The following CAPN9 variants were observed in gnomAD, a reference collection of about 807,000 sequenced individuals.
The protein encoded by CAPN9 is calpain-9.
In CAPN9, 81 loss-of-function variants were observed where a neutral mutation model predicts 92.8. The observed-to-expected ratio is 0.87, with a 90% CI of 0.73 to 1.05. The LOEUF is 1.05. CAPN9 is among the 50% of genes least tolerant of loss of function. The pLI is 0.00. For synonymous variants in CAPN9, 304 were observed against 328.0 expected (o/e 0.93, Z 0.79); for missense variants, 848 against 866.2 (o/e 0.98, Z 0.26).
chr1:230,751,234 C>T (rs1450926930), intron 1 of CAPN9, among the ~76,000 whole-genome samples: 3 of 152,192 alleles, frequency 2.0e-5, no homozygotes, highest in African/African-American at 4.8e-5. Flanking sequence ...CCCTGACCCC[C>T]AGGAGGGGTT....
intron 18 of CAPN9, among the ~76,000 whole-genome samples, chr1:230,796,096 G>A (rs1668336137): frequency 6.6e-6 from 1 of 151,118 alleles, no homozygotes; most frequent in Admixed American, 6.6e-5. Flanking sequence ...ACTTTGGGAG[G>A]TTGAGGCAGT....
intron 8 of CAPN9, 79 bp downstream of exon 8, chr1:230,774,710 C>T: frequency 1.2e-6 from 1 of 843,902 alleles, no homozygotes; most frequent in Non-Finnish European, 2.0e-6. Flanking sequence ...CTGTGCTTCT[C>T]TCTCGCTTTC....
chr1:230,756,819 A>G (rs1193350288), intron 2 of CAPN9, among the ~76,000 whole-genome samples: 3 of 152,058 alleles, frequency 2.0e-5, no homozygotes. Flanking sequence ...GTGCATGACC[A>G]TAGTTCCAGC....
intron 1 of CAPN9, among the ~76,000 whole-genome samples, chr1:230,751,492 GAGGAAGGAAGGAAAGA>G (rs1278109664): frequency 1.3e-5 from 2 of 149,732 alleles, no homozygotes; most frequent in African/African-American, 2.5e-5. Flanking sequence ...GGGAGGAAGG[GAGGAAGGAAGGAAAGA>G]AGGAAGGAAG....
intron 14 of CAPN9, among the ~76,000 whole-genome samples, 168 bp from the exon 15 acceptor site, chr1:230,791,696 C>T (rs143319999): frequency 1.1e-4 from 16 of 152,284 alleles, no homozygotes; most frequent in African/African-American, 3.6e-4. Context: ...GCCAATTTTC[C>T]TTCTGAAAGG....
chr1:230,791,527 C>T (rs890260636), intron 14 of CAPN9, among the ~76,000 whole-genome samples: 3 of 152,104 alleles, frequency 2.0e-5, no homozygotes, highest in Non-Finnish European at 4.4e-5. Flanking sequence ...AAGGTATTGA[C>T]CATGCCTCTC....
At chr1:230,759,697 C>A in intron 3 of CAPN9, 67 bp downstream of exon 3, 2 of 970,418 alleles carry the variant, frequency 2.1e-6, no homozygotes, top group Non-Finnish European at 3.1e-6. Context: ...GGTGCATTTC[C>A]ACACTGCCTG....
Position 230,780,308 on chromosome 1 carries a change from T to C in CAPN9, c.1244T>C (p.Val415Ala). Reference protein sequence around the residue: ...RRKLKRFGANVLTIGYAIYEC... With the variant: ...RRKLKRFGANALTIGYAIYEC... ...AAACTCAAGAGATTTGGTGCCAATG[T>C]GCTGACAATCGGCTATGCCATTTAT... is the stretch of plus-strand genomic sequence containing the variant. The change falls in exon 10 of 20, where the codon GTG becomes GCG. Residue 415 changes from valine (V) to alanine (A), a missense_variant. Val to Ala is a moderately conservative substitution (Grantham distance 64, BLOSUM62 0). Coordinates refer to ENST00000271971, the MANE Select transcript of CAPN9 (RefSeq NM_006615.3). 1 of 1,614,120 alleles carries C rather than the reference T, an allele frequency of 6.2e-7. No homozygotes were observed. Among genetic ancestry groups the C allele is most frequent in the Non-Finnish European group, 8.5e-7 (1 of 1,180,008 alleles).
intron 12 of CAPN9, among the ~76,000 whole-genome samples, chr1:230,786,512 A>G (rs1667596862): frequency 6.6e-6 from 1 of 152,222 alleles, no homozygotes; most frequent in Non-Finnish European, 1.5e-5. Flanking sequence ...GATGTTGGAC[A>G]GGCAGTTGCT....
intron 1 of CAPN9, among the ~76,000 whole-genome samples, 191 bp downstream of exon 1, chr1:230,747,900 G>A (rs796401043): frequency 7.9e-5 from 12 of 152,248 alleles, no homozygotes; most frequent in Admixed American, 2.0e-4. Flanking sequence ...GATGCTCTGC[G>A]GTGGGGACCC....
rs1400195625 is a variant in CAPN9, at chr1:230,772,111, T to C, written c.875+12T>C. 6.2e-7 allele frequency: 1 copy of C among 1,612,562 alleles called. No individual in the cohort carries two copies. The highest frequency in any genetic ancestry group is 8.5e-7 in the Non-Finnish European group (1 of 1,178,600). ...TCGTGGAGCGACAGGTCAGTCACCC[T>C]ATCCTGCCTCTCTGGCTGGTTCCCG... On this transcript the variant is annotated intron_variant, in intron 7 of 19. Transcript: ENST00000271971.
chr1:230,759,312 T>C (rs905335717), intron 2 of CAPN9, among the ~76,000 whole-genome samples, 200 bp from the exon 3 acceptor site: 1 of 152,192 alleles, frequency 6.6e-6, no homozygotes, highest in Non-Finnish European at 1.5e-5. Flanking sequence ...AACAGCTGTT[T>C]ATGATAGACG....
rs1344205247 is a variant in CAPN9 at position 230,769,378 on chromosome 1, G to T, written c.789+115G>T. The T allele has an allele frequency of 1.2e-5, 9 of 746,648 alleles. No homozygotes were observed. The South Asian group carries it at 1.9e-4, about 16-fold the overall frequency. 46.3% of individuals were successfully genotyped at this position (746,648 alleles called of 1,614,324 possible). A position where few individuals can be genotyped will look rare whatever the true frequency, so the allele number is the denominator to read the frequency against. On this transcript the variant is annotated intron_variant, in intron 6 of 19. Transcript: ENST00000271971. ...ATGTCTGCCTTTCAGGCATTTCAGA[G>T]ATTATGTCACCTAAAGAGGCAGGCT...
At chr1:230,794,046 C>T (rs1372233172) in intron 17 of CAPN9, among the ~76,000 whole-genome samples, 1 of 152,176 alleles carries the variant, frequency 6.6e-6, no homozygotes, top group African/African-American at 2.4e-5. Flanking sequence ...TGTGTCTGAC[C>T]TGCCTGCTCC....
rs1292121249 is a variant in CAPN9, at chr1:230,767,603, C to T, written c.599C>T (p.Thr200Ile). The T allele has an allele frequency of 6.2e-7, 1 of 1,613,642 alleles. No homozygotes were observed. Among genetic ancestry groups the T allele is most frequent in the Non-Finnish European group, 8.5e-7 (1 of 1,179,814 alleles). ...GCCATCGAGGCCATGGAAGACTTCA[C>T]TGGGGGTGTGGCAGAGACCTTCCAA... ...GSAIEAMEDF[T>I]GGVAETFQTK... The change falls in exon 5 of 20, where the codon ACT (threonine) becomes ATT (isoleucine). Residue 200 changes from threonine to isoleucine, a missense_variant. Transcript: ENST00000271971.
chr1:230,783,756 G>T (rs1443972054), intron 11 of CAPN9, among the ~76,000 whole-genome samples: 1 of 152,202 alleles, frequency 6.6e-6, no homozygotes, highest in African/African-American at 2.4e-5. Flanking sequence ...AAAGATAACT[G>T]AAAATGTGGA....
intron 3 of CAPN9, 48 bp from the exon 4 acceptor site, chr1:230,762,605 T>G (rs758181281): frequency 1.7e-5 from 28 of 1,600,896 alleles, no homozygotes; most frequent in Non-Finnish European, 2.4e-5. Flanking sequence ...GGCCTGGAGC[T>G]CCCATGTAGC....
In CAPN9 at chr1:230,797,282, A is replaced by G. The variant is rs896063245; in HGVS notation, c.1988-880A>G. 2.8e-4 allele frequency among the ~76,000 whole-genome samples: 43 copies of G among 152,238 alleles called. 1 individual carries two copies. Among genetic ancestry groups the G allele is most frequent in the Non-Finnish European group, 4.4e-5 (3 of 68,042 alleles). ...ATACATTTTCCCCCTAAATAATTTA[A>G]TAGCAGATCTCAGAAACTCTGTCCA... On this transcript the variant is annotated intron_variant, in intron 18 of 19. Coordinates refer to ENST00000271971, the MANE Select transcript of CAPN9 (RefSeq NM_006615.3).
chr1:230,789,317 A>G lies in CAPN9; in HGVS notation c.1600-815A>G, dbSNP rs533440821. Among the ~76,000 whole-genome samples, 376 of 152,140 alleles carry G rather than the reference A, an allele frequency of 2.5e-3. 2 individuals carry two copies. Among genetic ancestry groups the G allele is most frequent in the African/African-American group, 8.4e-3 (348 of 41,506 alleles). On this transcript the variant is annotated intron_variant, in intron 13 of 19. Coordinates refer to ENST00000271971, the MANE Select transcript of CAPN9 (RefSeq NM_006615.3). ...AACATAGGGAGAGCCCATCTCTGCA[A>G]AAATAATCAGCCCAGCATGGTGGTG...
Sources: gnomAD v4.1 joint callset for allele counts (sites outside exome capture counted in the v4.1 genomes callset) on GRCh38, gnomAD v4.1.1 for gene constraint, MANE v1.5 for transcripts, NCBI Gene and HGNC (gene_info 2026-07-23, HGNC 2026-07-21) for gene names.